Variants in NHLRC3 observed in about 807,000 individuals in gnomAD.
NHLRC3 encodes NHL repeat containing 3.
Under a neutral mutation model 32.0 loss-of-function variants are expected in NHLRC3, and 23 were observed. The observed-to-expected ratio is 0.72, with a 90% CI of 0.52 to 1.02. The LOEUF (loss-of-function observed/expected upper bound fraction) is 1.02, where lower values mean the gene tolerates loss of function less well. Ranked by LOEUF, NHLRC3 falls within the 50% of genes least tolerant of loss-of-function variation. NHLRC3 has a pLI of 0.00. For synonymous variants in NHLRC3, 159 were observed against 147.9 expected, an observed-to-expected ratio of 1.08 and a Z score of -0.55; for missense variants, 407 against 406.8, an observed-to-expected ratio of 1.00 and a Z score of -0.01.
Position 39,038,684 on chromosome 13 carries a change from T to G in NHLRC3, c.45T>G (p.Leu15=). The G allele has an allele frequency of 6.2e-7, 1 of 1,614,186 alleles. No individual in the cohort carries two copies. Among genetic ancestry groups the G allele is most frequent in the Non-Finnish European group, 8.5e-7 (1 of 1,180,024 alleles). The change falls in exon 1 of 7, where the codon CTT becomes CTG. Residue 15 remains leucine, a synonymous_variant. Transcript: ENST00000379600. ...GCGTAGCCGGTGCTGGCTTCTTTCT[T>G]GCATTTTTGGTTTTGCATTCGCGTT... The part of the protein sequence containing the change: ...WVCVAGAGFF[L]AFLVLHSRFC...
rs1415816964 is a variant in NHLRC3 at position 39,038,661 on chromosome 13, G to A, written c.22G>A (p.Val8Ile). The change falls in exon 1 of 7, where the codon GTA becomes ATA. Residue 8 changes from valine to isoleucine, a missense_variant. Physicochemically the swap from Val to Ile is conservative, Grantham distance 29. Coordinates refer to ENST00000379600, the MANE Select transcript of NHLRC3 (RefSeq NM_001012754.4). ...GGTCATGGCGAGATTCTGGGTCTGC[G>A]TAGCCGGTGCTGGCTTCTTTCTTGC... MARFWVC[V>I]AGAGFFLAFL... The A allele has an allele frequency of 6.2e-7, 1 of 1,614,210 alleles. No individual in the cohort carries two copies. Among genetic ancestry groups the A allele is most frequent in the Non-Finnish European group, 8.5e-7 (1 of 1,180,034 alleles).
Position 39,039,728 on chromosome 13 carries a change from C to A in NHLRC3, c.385+17C>A, listed in dbSNP as rs758745798. 1.3e-6 allele frequency: 2 copies of A among 1,569,968 alleles called. No homozygotes were observed. The highest frequency in any genetic ancestry group is 1.7e-5 in the Admixed American group (1 of 57,680). The stretch of plus-strand genomic sequence containing the variant: ...TAGGAAGTGGTATGTATAGTAATAT[C>A]TATTAAATTATCTTACTGGAAATCA... On this transcript the variant is annotated intron_variant, in intron 3 of 6. Transcript: ENST00000379600.
Position 39,048,687 on chromosome 13 carries a change from G to T in NHLRC3, c.*761G>T, listed in dbSNP as rs939689796. ...ACTGTAAACTTTGATAGGCTTTTAG[G>T]CCTTTTTTAAAGCCCAACTTGGCTT... On this transcript the variant is annotated 3_prime_UTR_variant, in exon 7 of 7. Transcript: ENST00000379600. 1 of 152,090 alleles carries T rather than the reference G, an allele frequency of 6.6e-6. No homozygotes were observed. The highest frequency in any genetic ancestry group is 1.5e-5 in the Non-Finnish European group (1 of 68,006). 9.4% of individuals were successfully genotyped at this position (152,090 alleles called of 1,614,324 possible). A position where few individuals can be genotyped will look rare whatever the true frequency, so the allele number is the denominator to read the frequency against.
chr13:39,043,869 ATAAT>A (rs1158864298), intron 4 of NHLRC3, among the ~76,000 whole-genome samples: 1 of 152,184 alleles, frequency 6.6e-6, no homozygotes, highest in African/African-American at 2.4e-5. Flanking sequence ...AGTGGAGATA[ATAAT>A]TAAAGAAGTA....
rs1871757351 is a variant in NHLRC3 at position 39,048,043 on chromosome 13, A to G, written c.*117A>G. 1 of 878,694 alleles carries G rather than the reference A, an allele frequency of 1.1e-6. No homozygotes were observed. The highest frequency in any genetic ancestry group is 1.7e-5 in the African/African-American group (1 of 58,946). 54.4% of individuals were successfully genotyped at this position (878,694 alleles called of 1,614,324 possible). ...TCTAGTATAAAAGATCTAGTATCAG[A>G]AAGATTTGTTTTTGTATCATTAAGA... On this transcript the variant is annotated 3_prime_UTR_variant, in exon 7 of 7. Coordinates refer to ENST00000379600, the MANE Select transcript of NHLRC3 (RefSeq NM_001012754.4).
Position 39,042,284 on chromosome 13 carries a change from A to C in NHLRC3, c.565A>C (p.Arg189=). ...GGATGGAGATGGAGGATTGAATAACAGATTGATCAAACTGTCCCAAGGTAC... is the reference window on the plus strand; with the variant it reads ...GGATGGAGATGGAGGATTGAATAACCGATTGATCAAACTGTCCCAAGGTAC... ...IVDGDGGLNN[R]LIKLSQDFMI... The change falls in exon 4 of 7, where the codon AGA becomes CGA. Residue 189 remains arginine (R), a synonymous_variant. Transcript: ENST00000379600. The C allele has an allele frequency of 6.3e-7, 1 of 1,598,084 alleles. No individual in the cohort carries two copies. Among genetic ancestry groups the C allele is most frequent in the Non-Finnish European group, 8.6e-7 (1 of 1,165,520 alleles).
At chr13:39,038,949 C>T (rs893170198) in intron 1 of NHLRC3, 187 bp from the exon 2 acceptor site, 5 of 634,928 alleles carry the variant, frequency 7.9e-6, no homozygotes, top group Admixed American at 5.8e-5. Flanking sequence ...AAATAATTTG[C>T]AGACTTGTAT....
At chr13:39,040,552 A>G (rs973742773) in intron 3 of NHLRC3, 1 of 152,218 alleles carries the variant, frequency 6.6e-6, no homozygotes, top group Non-Finnish European at 1.5e-5. Context: ...AGTGAGCACA[A>G]CTGAATGTGC....
chr13:39,044,300 T>A, intron 5 of NHLRC3, 119 bp downstream of exon 5: 1 of 757,862 alleles, frequency 1.3e-6, no homozygotes, highest in Non-Finnish European at 2.3e-6. Flanking sequence ...GTGGTATACA[T>A]GTGTGTCTGG....
intron 4 of NHLRC3, among the ~76,000 whole-genome samples, chr13:39,043,753 G>A (rs1048919386): frequency 1.7e-4 from 26 of 152,198 alleles, no homozygotes; most frequent in African/African-American, 6.0e-4. Context: ...TAAGGTCTGT[G>A]GAATACTAAT....
chr13:39,045,326 C>G (rs557041869), intron 5 of NHLRC3, among the ~76,000 whole-genome samples: 1 of 152,240 alleles, frequency 6.6e-6, no homozygotes, highest in African/African-American at 2.4e-5. Flanking sequence ...GAAAAAAAAT[C>G]AAATTTCAGA....
At chr13:39,039,314 T>G (rs768076533) in intron 2 of NHLRC3, 26 bp downstream of exon 2, 62 of 1,579,812 alleles carry the variant, frequency 3.9e-5, no homozygotes, top group African/African-American at 5.4e-5. Context: ...TTTAAAAAAA[T>G]TATGAACACA....
In NHLRC3 at chr13:39,039,557, C is replaced by A. The variant is rs181389758; in HGVS notation, c.238-7C>A. 5.4e-5 allele frequency: 86 copies of A among 1,604,700 alleles called. No individual in the cohort carries two copies. In the African/African-American group the frequency reaches 9.1e-4, roughly 17 times the overall value. ...ATCCTAAGAAGTTATTTTTTGTATA[C>A]CTTCAGAGAGGGGATAACATCCCAA... On this transcript the variant is annotated splice_polypyrimidine_tract_variant and splice_region_variant and intron_variant, in intron 2 of 6. Coordinates refer to ENST00000379600, the MANE Select transcript of NHLRC3 (RefSeq NM_001012754.4).
intron 4 of NHLRC3, 151 bp from the exon 5 acceptor site, chr13:39,043,939 C>A: frequency 4.8e-6 from 3 of 626,960 alleles, no homozygotes; most frequent in Non-Finnish European, 2.8e-6. Context: ...AAGAAATGGG[C>A]AAATGGGCAT....
At chr13:39,038,914 C>A (rs973787906) in intron 1 of NHLRC3, 191 bp downstream of exon 1, 3 of 646,118 alleles carry the variant, frequency 4.6e-6, no homozygotes, top group East Asian at 2.7e-5. Context: ...CCATTTTCCT[C>A]TTTCCCAACT....
chr13:39,047,106 G>A lies in NHLRC3; in HGVS notation c.745G>A (p.Gly249Arg). 6.2e-7 allele frequency: 1 copy of A among 1,612,450 alleles called. No homozygotes were observed. Among genetic ancestry groups the A allele is most frequent in the Non-Finnish European group, 8.5e-7 (1 of 1,179,202 alleles). Residue 249 changes from glycine to arginine, a missense_variant, in exon 6 of 7, where the codon GGA becomes AGA. Physicochemically the swap from Gly to Arg is moderately radical, Grantham distance 125 (BLOSUM62 -2). Transcript: ENST00000379600. The stretch of plus-strand genomic sequence containing the variant: ...TGATAAAGACACTGGGGAGTGGTTA[G>A]GAGCATGGAATAATTGTTTCACAGA... ...VFDKDTGEWL[G>R]AWNNCFTEEG...
At chr13:39,045,231 T>C (rs1871623284) in intron 5 of NHLRC3, among the ~76,000 whole-genome samples, 1 of 152,210 alleles carries the variant, frequency 6.6e-6, no homozygotes, top group Non-Finnish European at 1.5e-5. Flanking sequence ...CCATGTGAAC[T>C]TTGTATATAA....
rs145974217 is a variant in NHLRC3, at chr13:39,039,584, G to T, written c.258G>T (p.Lys86Asn). 6.2e-7 allele frequency: 1 copy of T among 1,612,030 alleles called. No individual in the cohort carries two copies. The highest frequency in any genetic ancestry group is 8.5e-7 in the Non-Finnish European group (1 of 1,178,302). Reference sequence around the variant, plus strand: ...TTCAGAGAGGGGATAACATCCCAAAGATATTAGTGTTCACAGAGGATGGAT... The same window carrying T: ...TTCAGAGAGGGGATAACATCCCAAATATATTAGTGTTCACAGAGGATGGAT... ...YIGQRGDNIPKILVFTEDGYF... is the reference protein window; with the variant it reads ...YIGQRGDNIPNILVFTEDGYF... Residue 86 changes from lysine to asparagine, a missense_variant, in exon 3 of 7, where the codon AAG becomes AAT. Transcript: ENST00000379600.
chr13:39,047,630 G>GT (rs746992073), intron 6 of NHLRC3, 44 bp from the exon 7 acceptor site: 2 of 1,552,972 alleles, frequency 1.3e-6, no homozygotes, highest in South Asian at 2.3e-5. Context: ...ATACCCTTAT[G>GT]TTTTTTCACA....
Sources: allele counts gnomAD v4.1 joint callset (sites outside exome capture counted in the v4.1 genomes callset), GRCh38; gene constraint gnomAD v4.1.1; transcripts MANE v1.5; gene names NCBI Gene and HGNC (gene_info 2026-07-23, HGNC 2026-07-21).